The following SNX29 variants were observed in gnomAD, a reference collection of about 807,000 sequenced individuals.
SNX29 encodes the protein sorting nexin 29, also known as sorting nexin-29.
A neutral mutation model predicts 102.1 loss-of-function variants in SNX29; 78 were observed. The ratio of observed to expected loss-of-function variants is 0.76; its 90% CI spans 0.64 to 0.92. The LOEUF (loss-of-function observed/expected upper bound fraction) is 0.92, where lower values mean the gene tolerates loss of function less well. Ranked by LOEUF, SNX29 falls within the 40% of genes least tolerant of loss-of-function variation. The pLI, the probability that SNX29 is intolerant of heterozygous loss-of-function variation, is 0.00. For synonymous variants in SNX29, 580 were observed against 414.5 expected (o/e 1.40, Z -4.85); for missense variants, 1,280 against 1,061.7 (o/e 1.21, Z -2.86).
At chr16:12,082,485 T>C (rs562530116) in intron 11 of SNX29, among the ~76,000 whole-genome samples, 5 of 152,372 alleles carry the variant, frequency 3.3e-5, no homozygotes, top group African/African-American at 7.2e-5. Flanking sequence ...TTTTCAGTGA[T>C]GACATACATG....
At chr16:12,017,531 T>G (rs1048279117) in intron 3 of SNX29, among the ~76,000 whole-genome samples, 7 of 152,250 alleles carry the variant, frequency 4.6e-5, no homozygotes, top group Non-Finnish European at 1.0e-4. Flanking sequence ...CTTTTTGCCA[T>G]GTAGACATTT....
intron 18 of SNX29, among the ~76,000 whole-genome samples, chr16:12,466,279 C>G (rs910329958): frequency 6.6e-6 from 1 of 152,190 alleles, no homozygotes; most frequent in Non-Finnish European, 1.5e-5. Context: ...AAACCCACAA[C>G]TGCCAGAACT....
chr16:12,316,058 T>C (rs190878214), intron 15 of SNX29, among the ~76,000 whole-genome samples: 1 of 152,178 alleles, frequency 6.6e-6, no homozygotes, highest in Non-Finnish European at 1.5e-5. Flanking sequence ...GTGATGTGAT[T>C]GGGTGAATGC....
intron 18 of SNX29, among the ~76,000 whole-genome samples, chr16:12,477,225 C>T (rs1002005993): frequency 6.6e-6 from 1 of 152,206 alleles, no homozygotes; most frequent in South Asian, 2.1e-4. Flanking sequence ...TTGCCCCCTC[C>T]CTTCTTTCTG....
chr16:12,026,159 G>A (rs1283156094), intron 3 of SNX29, among the ~76,000 whole-genome samples: 1 of 152,164 alleles, frequency 6.6e-6, no homozygotes, highest in Non-Finnish European at 1.5e-5. Flanking sequence ...TTTGCACTGG[G>A]CCTGTCTTTC....
chr16:12,552,708 G>T lies in SNX29; in HGVS notation c.2319-15798G>T, dbSNP rs191203440. ...AAGGGTCGGGGGAAGATTTAGATTG[G>T]GGGACTGATAGAAGAGACATGGTAT... On this transcript the variant is annotated intron_variant, in intron 20 of 20. Coordinates refer to ENST00000566228, the MANE Select transcript of SNX29 (RefSeq NM_032167.5). Among the ~76,000 whole-genome samples the T allele has an allele frequency of 2.0e-3, 297 of 152,284 alleles. 1 individual carries two copies. The highest frequency in any genetic ancestry group is 6.9e-3 in the African/African-American group (287 of 41,556).
chr16:12,199,864 T>C (rs1356060030), intron 14 of SNX29, among the ~76,000 whole-genome samples, 181 bp downstream of exon 14: 1 of 152,236 alleles, frequency 6.6e-6, no homozygotes, highest in Non-Finnish European at 1.5e-5. Context: ...CCCTGCAACA[T>C]GCATAACTAG....
intron 15 of SNX29, among the ~76,000 whole-genome samples, chr16:12,332,271 C>G (rs575753431): frequency 6.6e-6 from 1 of 152,206 alleles, no homozygotes; most frequent in South Asian, 2.1e-4. Context: ...TGTGCACGGG[C>G]ATATGCATGC....
At chr16:12,042,240 A>C (rs1287841066) in intron 4 of SNX29, among the ~76,000 whole-genome samples, 2 of 152,176 alleles carry the variant, frequency 1.3e-5, no homozygotes, top group East Asian at 3.8e-4. Flanking sequence ...TGTGTTGGCC[A>C]GGCTGGTCTT....
intron 3 of SNX29, among the ~76,000 whole-genome samples, chr16:12,016,858 G>A (rs2056862844): frequency 6.6e-6 from 1 of 152,106 alleles, no homozygotes; most frequent in African/African-American, 2.4e-5. Context: ...CGAACACAGT[G>A]GCTCATACCT....
intron 14 of SNX29, among the ~76,000 whole-genome samples, chr16:12,236,951 TA>T (rs2077953464): frequency 6.6e-6 from 1 of 151,726 alleles, no homozygotes; most frequent in Non-Finnish European, 1.5e-5. Context: ...GGGTGGGGAG[TA>T]AAGGCACTGG....
In SNX29 at chr16:12,313,021, G is replaced by GTTT. The variant is rs35304053; in HGVS notation, c.1782+34995_1782+34997dup. On this transcript the variant is annotated intron_variant, in intron 15 of 20. Coordinates refer to ENST00000566228, the MANE Select transcript of SNX29 (RefSeq NM_032167.5). Reference sequence around the variant, plus strand: ...ACCCTGGGGAGACTTTTTGTTTTCTGTTTTTTTTTTTTAGACGGAGTATCA... The same window carrying GTTT: ...ACCCTGGGGAGACTTTTTGTTTTCTGTTTTTTTTTTTTTTTAGACGGAGTATCA... Among the ~76,000 whole-genome samples the GTTT allele has an allele frequency of 2.6e-3, 375 of 145,910 alleles. 1 individual carries two copies. The highest frequency in any genetic ancestry group is 8.7e-3 in the African/African-American group (346 of 39,782).
At chr16:12,511,932 C>A (rs12595895) in intron 19 of SNX29, among the ~76,000 whole-genome samples, 4,582 of 151,590 alleles carry the variant, frequency 0.03, 152 homozygotes, top group East Asian at 0.17. Context: ...AGGAAGTGGT[C>A]GGGCCGCATA....
chr16:12,337,495 T>G (rs1455317938), intron 15 of SNX29, among the ~76,000 whole-genome samples: 2 of 151,928 alleles, frequency 1.3e-5, no homozygotes, highest in African/African-American at 2.4e-5. Context: ...GCACGTACCA[T>G]CATGCCCGGC....
intron 13 of SNX29, among the ~76,000 whole-genome samples, chr16:12,137,111 G>A (rs2054691801): frequency 6.6e-6 from 1 of 152,154 alleles, no homozygotes; most frequent in African/African-American, 2.4e-5. Flanking sequence ...GTCTTACCAG[G>A]TCCCCAAGGC....
At chr16:12,541,990 T>G (rs752269671) in intron 20 of SNX29, among the ~76,000 whole-genome samples, 3 of 152,178 alleles carry the variant, frequency 2.0e-5, no homozygotes, top group Non-Finnish European at 4.4e-5. Flanking sequence ...GTCTTATGAG[T>G]CCAGAAGGGC....
intron 16 of SNX29, among the ~76,000 whole-genome samples, chr16:12,394,034 C>T (rs1232952245): frequency 6.6e-6 from 1 of 152,204 alleles, no homozygotes; most frequent in Non-Finnish European, 1.5e-5. Context: ...TGGAGGCTGA[C>T]CTGTGTTCCC....
intron 16 of SNX29, among the ~76,000 whole-genome samples, chr16:12,358,275 T>A (rs564835174): frequency 3.6e-4 from 55 of 152,200 alleles, no homozygotes; most frequent in Non-Finnish European, 7.6e-4. Context: ...TTTCATCCGC[T>A]GTTCCTGGCC....
chr16:12,310,043 C>CATGGATGTGTGCACACAT (rs2080477839), intron 15 of SNX29, among the ~76,000 whole-genome samples: 1 of 151,834 alleles, frequency 6.6e-6, no homozygotes, highest in Non-Finnish European at 1.5e-5. Context: ...TGTGTGCACA[C>CATGGATGTGTGCACACAT]ATATGTACAC....
Sources: allele counts gnomAD v4.1 joint callset (sites outside exome capture counted in the v4.1 genomes callset), GRCh38; gene constraint gnomAD v4.1.1; transcripts MANE v1.5; gene names NCBI Gene and HGNC (gene_info 2026-07-23, HGNC 2026-07-21).